The following PTPRT variants were observed in gnomAD, a reference collection of about 807,000 sequenced individuals.
PTPRT encodes the protein protein tyrosine phosphatase receptor type T, also known as receptor-type tyrosine-protein phosphatase T.
A neutral mutation model predicts 176.8 loss-of-function variants in PTPRT; 56 were observed. The ratio of observed to expected loss-of-function variants is 0.32; its 90% confidence interval spans 0.26 to 0.40. The LOEUF (loss-of-function observed/expected upper bound fraction) is 0.40, where lower values mean the gene tolerates loss of function less well. Ranked by LOEUF, PTPRT falls within the 10% of genes least tolerant of loss-of-function variation. The pLI is 1.00. For synonymous variants in PTPRT, 783 were observed against 739.0 expected, an observed-to-expected ratio of 1.06 and a Z score of -0.96; for missense variants, 1,540 against 1,908.2, an observed-to-expected ratio of 0.81 and a Z score of 3.60.
chr20:42,508,216 G>C lies in PTPRT; in HGVS notation c.1154-35654C>G, dbSNP rs566261610. Among the ~76,000 whole-genome samples the C allele has an allele frequency of 4.0e-5, 6 of 150,356 alleles. No homozygotes were observed. In the East Asian group the frequency reaches 9.8e-4, roughly 24 times the overall value. ...AGATATGCAAAAAAAAAAAGACTAA[G>C]GTAGAATACTCAAAATACTGTTTTA... On this transcript the variant is annotated intron_variant, in intron 7 of 30. Transcript: ENST00000373187.
chr20:42,118,420 G>A lies in PTPRT; in HGVS notation c.2965C>T (p.Leu989=), dbSNP rs537182509. ...AGGCTTACCCTGCCCACTTCCACCA[G>A]GTTTGTGACCATGACGATGCTGGCG... The part of the protein sequence containing the change: ...NSASIVMVTN[L]VEVGRVKCVR... The change falls in exon 21 of 31, where the codon CTG becomes TTG. Residue 989 remains leucine (L), a synonymous_variant. Coordinates refer to ENST00000373187, the MANE Select transcript of PTPRT (RefSeq NM_007050.6). 1.2e-6 allele frequency: 2 copies of A among 1,612,824 alleles called. No homozygotes were observed. The highest frequency in any genetic ancestry group is 3.3e-5 in the Admixed American group (2 of 59,910).
intron 1 of PTPRT, among the ~76,000 whole-genome samples, chr20:42,962,918 G>A (rs993482470): frequency 2.6e-5 from 4 of 152,114 alleles, no homozygotes; most frequent in Admixed American, 2.6e-4. Flanking sequence ...AACAGTACAA[G>A]CTGGGCACGG....
At chr20:42,423,365 G>T (rs549259232) in intron 9 of PTPRT, among the ~76,000 whole-genome samples, 2 of 152,134 alleles carry the variant, frequency 1.3e-5, no homozygotes, top group East Asian at 3.9e-4. Flanking sequence ...GTCACCCAGG[G>T]TTAGTGGCAC....
At chr20:42,034,459 A>T in the PTPRT span, among the ~76,000 whole-genome samples, 6 of 152,176 alleles carry the variant, frequency 3.9e-5, no homozygotes, top group African/African-American at 7.2e-5. Context: ...AAAAGTTCAC[A>T]GCCCAATGGA....
intron 1 of PTPRT, among the ~76,000 whole-genome samples, chr20:43,146,101 G>A (rs117613539): frequency 0.013 from 1,961 of 152,230 alleles, 16 homozygotes; most frequent in East Asian, 0.044. Context: ...TAGAAAAGTC[G>A]ATTTTAATAA....
chr20:43,178,227 CCAGA>C (rs1218737884), intron 1 of PTPRT, among the ~76,000 whole-genome samples: 4 of 152,144 alleles, frequency 2.6e-5, no homozygotes, highest in Admixed American at 6.5e-5. Context: ...CTACTTCATC[CCAGA>C]CAATTTTGTT....
chr20:42,815,719 A>G lies in PTPRT; in HGVS notation c.215-24253T>C, dbSNP rs552389293. 2.6e-5 allele frequency among the ~76,000 whole-genome samples: 4 copies of G among 152,344 alleles called. No individual in the cohort carries two copies. In the South Asian group the frequency reaches 8.3e-4, roughly 32 times the overall value. On this transcript the variant is annotated intron_variant, in intron 2 of 30. Coordinates refer to ENST00000373187, the MANE Select transcript of PTPRT (RefSeq NM_007050.6). ...ATTTTTAAAAGTGTTTAGGCTCACA[A>G]AAACAATCAGGGCAAGAGAGAGGCT...
At chr20:43,013,539 G>A (rs1185438045) in intron 1 of PTPRT, among the ~76,000 whole-genome samples, 1 of 152,084 alleles carries the variant, frequency 6.6e-6, no homozygotes, top group Non-Finnish European at 1.5e-5. Context: ...CAGAAAGTGG[G>A]GGGTACATAT....
intron 14 of PTPRT, among the ~76,000 whole-genome samples, chr20:42,240,629 C>A (rs963508894): frequency 3.9e-5 from 6 of 152,154 alleles, no homozygotes; most frequent in African/African-American, 1.4e-4. Context: ...ATCTAGATCA[C>A]AAACCCACCT....
intron 7 of PTPRT, among the ~76,000 whole-genome samples, chr20:42,485,279 C>T (rs2071447851): frequency 1.3e-5 from 2 of 152,144 alleles, no homozygotes; most frequent in African/African-American, 4.8e-5. Flanking sequence ...CCACTTGATT[C>T]ATGGCAAGTC....
At chr20:42,191,552 A>G (rs1357611658) in intron 16 of PTPRT, among the ~76,000 whole-genome samples, 1 of 152,194 alleles carries the variant, frequency 6.6e-6, no homozygotes, top group Non-Finnish European at 1.5e-5. Flanking sequence ...ACTGAAAAAC[A>G]GAAATTTATT....
chr20:42,501,388 G>A (rs570154408), intron 7 of PTPRT, among the ~76,000 whole-genome samples: 17 of 152,144 alleles, frequency 1.1e-4, no homozygotes, highest in Middle Eastern at 3.4e-3. Flanking sequence ...TAAACATTAG[G>A]AATAGTGCTA....
intron 7 of PTPRT, among the ~76,000 whole-genome samples, chr20:42,474,803 G>A (rs746750075): frequency 3.3e-5 from 5 of 152,110 alleles, no homozygotes; most frequent in Non-Finnish European, 7.3e-5. Context: ...TTGCCTAGCT[G>A]GGGCCTGTCC....
At chr20:43,151,192 G>C (rs2146420689) in intron 1 of PTPRT, among the ~76,000 whole-genome samples, 1 of 152,090 alleles carries the variant, frequency 6.6e-6, no homozygotes, top group Admixed American at 6.5e-5. Context: ...TGTAATCCCA[G>C]CTACTAGGGA....
intron 12 of PTPRT, among the ~76,000 whole-genome samples, chr20:42,288,684 G>A (rs1161310278): frequency 1.3e-5 from 2 of 151,946 alleles, no homozygotes; most frequent in African/African-American, 4.8e-5. Context: ...TGTTGCTGCA[G>A]AGGACATGGT....
intron 21 of PTPRT, among the ~76,000 whole-genome samples, chr20:42,115,855 G>A (rs991685882): frequency 4.6e-5 from 7 of 152,260 alleles, no homozygotes; most frequent in African/African-American, 1.7e-4. Flanking sequence ...GCAGTTGGGG[G>A]TCTGGAAGGA....
intron 1 of PTPRT, among the ~76,000 whole-genome samples, chr20:42,972,427 C>T (rs549861483): frequency 4.8e-4 from 72 of 151,140 alleles, no homozygotes; most frequent in Non-Finnish European, 8.7e-4. Flanking sequence ...TTAGGGAGGC[C>T]GAGGTGAGCA....
intron 7 of PTPRT, among the ~76,000 whole-genome samples, chr20:42,654,322 G>A (rs150780515): frequency 7.8e-4 from 119 of 152,140 alleles, no homozygotes; most frequent in African/African-American, 2.7e-3. Flanking sequence ...ATTCAAGGAT[G>A]AAGAAAACAA....
chr20:43,120,028 T>C (rs1241055540), intron 1 of PTPRT, among the ~76,000 whole-genome samples: 1 of 152,150 alleles, frequency 6.6e-6, no homozygotes, highest in African/African-American at 2.4e-5. Context: ...TGTAGCCTCA[T>C]ACTCCTGGGC....
Sources: gnomAD v4.1 joint callset for allele counts (sites outside exome capture counted in the v4.1 genomes callset) on GRCh38, gnomAD v4.1.1 for gene constraint, MANE v1.5 for transcripts, NCBI Gene and HGNC (gene_info 2026-07-23, HGNC 2026-07-21) for gene names.